Variants in ARHGAP24 observed in about 807,000 individuals in gnomAD.
ARHGAP24 encodes Rho GTPase activating protein 24.
ARHGAP24 carries 50 observed loss-of-function variants against 76.4 expected under a neutral mutation model. The observed-to-expected ratio is 0.65, with a 90% CI of 0.52 to 0.83. The LOEUF (loss-of-function observed/expected upper bound fraction) is 0.83, where lower values mean the gene tolerates loss of function less well. Among genes scored for constraint, ARHGAP24 ranks in the 40% least tolerant of loss-of-function variants. ARHGAP24 has a pLI of 0.00. For missense variants in ARHGAP24, 930 were observed against 914.2 expected, an observed-to-expected ratio of 1.02 and a Z score of -0.22; for synonymous variants, 345 against 323.3, an observed-to-expected ratio of 1.07 and a Z score of -0.72.
chr4:85,970,649 C>T (rs535620106), intron 5 of ARHGAP24, among the ~76,000 whole-genome samples: 20 of 152,196 alleles, frequency 1.3e-4, no homozygotes, highest in Admixed American at 5.9e-4. Context: ...TCCATGCCAC[C>T]GCTGGGATAA....
chr4:85,864,163 G>A (rs998791608), intron 3 of ARHGAP24, among the ~76,000 whole-genome samples: 6 of 151,990 alleles, frequency 3.9e-5, no homozygotes, highest in African/African-American at 1.4e-4. Context: ...GGTTCCTGCC[G>A]GCATTCACCA....
At chr4:85,805,494 T>C (rs1728749352) in intron 3 of ARHGAP24, among the ~76,000 whole-genome samples, 1 of 152,160 alleles carries the variant, frequency 6.6e-6, no homozygotes, top group Non-Finnish European at 1.5e-5. Flanking sequence ...GGAGTGATAC[T>C]CTGATAAAAT....
intron 3 of ARHGAP24, among the ~76,000 whole-genome samples, chr4:85,734,782 T>G (rs1725544254): frequency 1.3e-5 from 2 of 151,998 alleles, no homozygotes; most frequent in South Asian, 4.2e-4. Context: ...ATCTCTGGGC[T>G]GTGATTTGTC....
chr4:85,700,562 G>C (rs888177889), intron 2 of ARHGAP24, among the ~76,000 whole-genome samples: 4 of 152,160 alleles, frequency 2.6e-5, no homozygotes, highest in African/African-American at 9.7e-5. Flanking sequence ...AAGGATTACA[G>C]GGGAAGCCAG....
intron 5 of ARHGAP24, 82 bp from the exon 6 acceptor site, chr4:85,971,954 G>C (rs1739009374): frequency 3.8e-6 from 6 of 1,599,950 alleles, no homozygotes; most frequent in Non-Finnish European, 5.1e-6. Context: ...ATAGAATTCT[G>C]ACTCCTGGGC....
chr4:85,792,771 G>A (rs1305141871), intron 3 of ARHGAP24, among the ~76,000 whole-genome samples: 1 of 152,130 alleles, frequency 6.6e-6, no homozygotes, highest in Non-Finnish European at 1.5e-5. Context: ...AGATCATCAA[G>A]TTGATTTATT....
Position 85,974,954 on chromosome 4 carries a change from A to G in ARHGAP24, c.799A>G (p.Ile267Val). Residue 267 changes from isoleucine (I) to valine (V), a missense_variant, in exon 7 of 10, where the codon ATT becomes GTT. Coordinates refer to ENST00000395184, the MANE Select transcript of ARHGAP24 (RefSeq NM_001025616.3). Reference sequence around the variant, plus strand: ...GGTAAATTACAACCTCCTCAAGTATATTTGCAGGTAAGAACTGTCCTAAGG... The same window carrying G: ...GGTAAATTACAACCTCCTCAAGTATGTTTGCAGGTAAGAACTGTCCTAAGG... ...PVVNYNLLKYICRFLDEVQSY... is the reference protein window; with the variant it reads ...PVVNYNLLKYVCRFLDEVQSY... 1 of 1,613,678 alleles carries G rather than the reference A, an allele frequency of 6.2e-7. No homozygotes were observed. Among genetic ancestry groups the G allele is most frequent in the African/African-American group, 1.3e-5 (1 of 75,048 alleles).
rs1560583299 is a variant in ARHGAP24 at position 85,682,022 on chromosome 4, G to A, written c.181-39863G>A. ...CAGGGCAAAGTTAAGACACTTGCCC[G>A]AGATCAGGACATAGTATAGAGCATA... On this transcript the variant is annotated intron_variant, in intron 2 of 9. Transcript: ENST00000395184. 3.1e-5 allele frequency among the ~76,000 whole-genome samples: 4 copies of A among 128,048 alleles called. No homozygotes were observed. In the South Asian group the frequency reaches 9.4e-4, roughly 30 times the overall value. The allele number at this position is 128,048 out of a possible 152,430, so 84.0% of individuals were successfully genotyped here. A position where few individuals can be genotyped will look rare whatever the true frequency, so the allele number is the denominator to read the frequency against.
chr4:85,625,326 C>T (rs144158326), intron 2 of ARHGAP24, among the ~76,000 whole-genome samples: 7,991 of 152,148 alleles, frequency 0.053, 684 homozygotes, highest in African/African-American at 0.18. Flanking sequence ...CATTTCATTA[C>T]GTACCTAGTA....
At chr4:85,705,028 T>C (rs527351746) in intron 2 of ARHGAP24, among the ~76,000 whole-genome samples, 15 of 152,194 alleles carry the variant, frequency 9.9e-5, no homozygotes, top group Non-Finnish European at 1.9e-4. Context: ...GATATACCTA[T>C]TCTTCACATT....
At chr4:85,576,303 G>T (rs1350354626) in intron 2 of ARHGAP24, among the ~76,000 whole-genome samples, 1 of 152,054 alleles carries the variant, frequency 6.6e-6, no homozygotes, top group Non-Finnish European at 1.5e-5. Flanking sequence ...GGTGGCGGGC[G>T]CCTGTAGTAC....
intron 1 of ARHGAP24, among the ~76,000 whole-genome samples, chr4:85,536,824 G>C (rs1441347221): frequency 3.9e-5 from 6 of 152,064 alleles, no homozygotes; most frequent in African/African-American, 9.7e-5. Flanking sequence ...TTTGAAGAAT[G>C]GTACCTTTGT....
At chr4:85,840,471 C>T (rs75539233) in intron 3 of ARHGAP24, among the ~76,000 whole-genome samples, 1,921 of 152,316 alleles carry the variant, frequency 0.013, 43 homozygotes, top group African/African-American at 0.044. Flanking sequence ...TGTGGTCTTA[C>T]GAGCCCAGCA....
intron 1 of ARHGAP24, among the ~76,000 whole-genome samples, chr4:85,480,657 G>C (rs1650959196): frequency 6.6e-6 from 1 of 151,976 alleles, no homozygotes; most frequent in South Asian, 2.1e-4. Context: ...ATTTTTTGTA[G>C]TTCCTTGAAA....
At chr4:85,885,627 T>A (rs1733521423) in intron 3 of ARHGAP24, among the ~76,000 whole-genome samples, 1 of 152,116 alleles carries the variant, frequency 6.6e-6, no homozygotes, top group Non-Finnish European at 1.5e-5. Flanking sequence ...ACCATGAACT[T>A]TTAATACTTA....
intron 3 of ARHGAP24, among the ~76,000 whole-genome samples, chr4:85,782,310 T>A (rs904248820): frequency 2.6e-5 from 4 of 152,244 alleles, no homozygotes; most frequent in Non-Finnish European, 5.9e-5. Flanking sequence ...ATATGTATTT[T>A]AAATTTAGAA....
chr4:85,775,986 G>A lies in ARHGAP24; in HGVS notation c.268+54014G>A, dbSNP rs531503535. On this transcript the variant is annotated intron_variant, in intron 3 of 9. Coordinates refer to ENST00000395184, the MANE Select transcript of ARHGAP24 (RefSeq NM_001025616.3). ...GGAGAATGAACTGTGAGAGGTGTAC[G>A]TATGTGCTGGAATTGGCTTAAGAGA... 1.2e-4 allele frequency among the ~76,000 whole-genome samples: 18 copies of A among 152,238 alleles called. No homozygotes were observed. The East Asian group carries it at 1.3e-3, about 11-fold the overall frequency.
intron 3 of ARHGAP24, among the ~76,000 whole-genome samples, chr4:85,784,331 C>T (rs1032467539): frequency 2.6e-5 from 4 of 151,720 alleles, no homozygotes; most frequent in Admixed American, 2.6e-4. Context: ...TGTTAGAGGG[C>T]TCCTGTTTTC....
intron 8 of ARHGAP24, among the ~76,000 whole-genome samples, chr4:85,985,175 A>G (rs1259453026): frequency 6.6e-6 from 1 of 152,172 alleles, no homozygotes; most frequent in African/African-American, 2.4e-5. Flanking sequence ...ATAAAGACAC[A>G]TGCGTATGTA....
Sources: gnomAD v4.1 joint callset for allele counts (sites outside exome capture counted in the v4.1 genomes callset) on GRCh38, gnomAD v4.1.1 for gene constraint, MANE v1.5 for transcripts, NCBI Gene and HGNC (gene_info 2026-07-23, HGNC 2026-07-21) for gene names.